Variants in DHRSX observed in about 807,000 individuals in gnomAD.
DHRSX encodes dehydrogenase/reductase X-linked, also known as polyprenol dehydrogenase.
Under a neutral mutation model 34.0 loss-of-function variants are expected in DHRSX, and 31 were observed. The ratio of observed to expected loss-of-function variants is 0.91; its 90% CI spans 0.69 to 1.23. DHRSX has a LOEUF of 1.23. DHRSX is among the 50% of genes most tolerant of loss of function. DHRSX has a pLI of 0.00. For missense variants in DHRSX, 414 were observed against 428.1 expected (o/e 0.97, Z 0.29); for synonymous variants, 201 against 183.8 (o/e 1.09, Z -0.76).
At chrX:2,266,528 T>C (rs1361898796) in intron 5 of DHRSX, among the ~76,000 whole-genome samples, 22 of 116,416 alleles carry the variant, frequency 1.9e-4, no homozygotes, top group South Asian at 9.4e-4. Flanking sequence ...GCTCGGCAGA[T>C]GCAGGGAGCA....
At chrX:2,432,447 A>G (rs1335678885) in intron 1 of DHRSX, among the ~76,000 whole-genome samples, 2 of 152,182 alleles carry the variant, frequency 1.3e-5, no homozygotes, top group Admixed American at 6.5e-5. Context: ...TTGAGAACAC[A>G]ATGGCCCTGT....
At chrX:2,467,038 C>T (rs1005896804) in intron 1 of DHRSX, among the ~76,000 whole-genome samples, 3 of 145,716 alleles carry the variant, frequency 2.1e-5, no homozygotes, top group African/African-American at 7.7e-5. Flanking sequence ...GCACTCCAGC[C>T]TGGGAGACAA....
rs777597939 is a variant in DHRSX at position 2,428,644 on chromosome X, G to T, written c.110-3340C>A. Among the ~76,000 whole-genome samples, 716 of 152,258 alleles carry T rather than the reference G, an allele frequency of 4.7e-3. 7 individuals are homozygous for T. Among genetic ancestry groups the T allele is most frequent in the African/African-American group, 0.016 (677 of 41,540 alleles). On this transcript the variant is annotated intron_variant, in intron 1 of 6. Coordinates refer to ENST00000334651, the MANE Select transcript of DHRSX (RefSeq NM_145177.3). The stretch of plus-strand genomic sequence containing the variant: ...AGGAGGTGAGGGACTAGGGGAGGGA[G>T]AGCATTAGGACAAACACCTAATGTA...
intron 3 of DHRSX, among the ~76,000 whole-genome samples, chrX:2,340,853 A>G (rs370607770): frequency 6.6e-6 from 1 of 152,104 alleles, no homozygotes; most frequent in East Asian, 1.9e-4. Context: ...ATACCAGCCA[A>G]CGAGCTGGTG....
chrX:2,390,967 G>A (rs2043329128), intron 3 of DHRSX, among the ~76,000 whole-genome samples: 1 of 152,048 alleles, frequency 6.6e-6, no homozygotes, highest in Non-Finnish European at 1.5e-5. Context: ...AGCCCACATC[G>A]CAGCATGCAT....
At chrX:2,322,704 CTT>C (rs1338424025) in intron 3 of DHRSX, among the ~76,000 whole-genome samples, 1 of 145,480 alleles carries the variant, frequency 6.9e-6, no homozygotes, top group African/African-American at 2.5e-5. Context: ...ACAGCATTTT[CTT>C]TTCTCTAGCA....
chrX:2,387,904 C>CAAAAA lies in DHRSX; in HGVS notation c.286+20836_286+20840dup, dbSNP rs557047764. Reference sequence around the variant, plus strand: ...TACTCTGAGCCTCCACCCTCCCCTGCAAAAAAAAAAAAAAAAAAAACGGGA... The same window carrying CAAAAA: ...TACTCTGAGCCTCCACCCTCCCCTGCAAAAAAAAAAAAAAAAAAAAAAAAACGGGA... On this transcript the variant is annotated intron_variant, in intron 3 of 6. Coordinates refer to ENST00000334651, the MANE Select transcript of DHRSX (RefSeq NM_145177.3). 4.8e-3 allele frequency among the ~76,000 whole-genome samples: 356 copies of CAAAAA among 73,894 alleles called. 21 individuals carry two copies. The East Asian group carries it at 0.073, about 15-fold the overall frequency. 48.5% of individuals were successfully genotyped at this position (73,894 alleles called of 152,430 possible).
chrX:2,361,631 C>T (rs1352155070), intron 3 of DHRSX, among the ~76,000 whole-genome samples: 1 of 152,118 alleles, frequency 6.6e-6, no homozygotes, highest in African/African-American at 2.4e-5. Flanking sequence ...AAGAAGGATA[C>T]AGAGAGCTGG....
chrX:2,247,040 C>T (rs1372844635), intron 5 of DHRSX, among the ~76,000 whole-genome samples: 2 of 151,978 alleles, frequency 1.3e-5, no homozygotes, highest in Admixed American at 1.3e-4. Context: ...CCTCTGCCTC[C>T]TAGGTTCAAG....
intron 1 of DHRSX, among the ~76,000 whole-genome samples, chrX:2,449,738 C>A (rs6642213): frequency 6.6e-6 from 1 of 152,104 alleles, no homozygotes; most frequent in Non-Finnish European, 1.5e-5. Flanking sequence ...ACTGCAGCCT[C>A]CAACTCCCAC....
chrX:2,305,741 C>T (rs1488107433), intron 3 of DHRSX, among the ~76,000 whole-genome samples: 2 of 144,214 alleles, frequency 1.4e-5, no homozygotes, highest in Non-Finnish European at 3.0e-5. Flanking sequence ...AACACAAGAA[C>T]AGAAAACTAA....
At chrX:2,252,005 A>G (rs1469268606) in intron 5 of DHRSX, among the ~76,000 whole-genome samples, 1 of 152,090 alleles carries the variant, frequency 6.6e-6, no homozygotes, top group Admixed American at 6.6e-5. Flanking sequence ...TGGGAGGCTG[A>G]GGTGGGTGGA....
At chrX:2,489,380 G>A (rs1328351396) in intron 1 of DHRSX, 2 of 1,613,940 alleles carry the variant, frequency 1.2e-6, no homozygotes, top group Non-Finnish European at 1.7e-6. Flanking sequence ...GACCTCCTTG[G>A]CCATGCTGAG....
intron 6 of DHRSX, among the ~76,000 whole-genome samples, chrX:2,223,063 A>G (rs66491412): frequency 0.86 from 131,411 of 152,070 alleles, 57,274 homozygotes; most frequent in African/African-American, 0.95. Flanking sequence ...AGGGGTGCCC[A>G]GAGATCTTGC....
intron 2 of DHRSX, among the ~76,000 whole-genome samples, chrX:2,411,531 G>A (rs979335396): frequency 3.4e-5 from 5 of 148,056 alleles, no homozygotes; most frequent in Non-Finnish European, 5.9e-5. Flanking sequence ...CTCCAGCCTG[G>A]GCGACAGAGC....
chrX:2,313,234 T>TA (rs1482279590), intron 3 of DHRSX, among the ~76,000 whole-genome samples: 2 of 151,616 alleles, frequency 1.3e-5, no homozygotes, highest in Non-Finnish European at 2.9e-5. Flanking sequence ...GAACTACTAG[T>TA]AGACCTCAGG....
chrX:2,489,893 A>C, intron 1 of DHRSX: 1 of 1,613,820 alleles, frequency 6.2e-7, no homozygotes, highest in South Asian at 1.1e-5. Context: ...GCACGCCTTC[A>C]CGATGTCCTT....
chrX:2,261,435 G>A (rs2041362389), intron 5 of DHRSX: 2 of 151,934 alleles, frequency 1.3e-5, no homozygotes, highest in Admixed American at 6.6e-5. Context: ...TTTCTGTTGG[G>A]TGGGGTTGTT....
At chrX:2,266,316 A>T (rs552871375) in intron 5 of DHRSX, among the ~76,000 whole-genome samples, 2 of 56,204 alleles carry the variant, frequency 3.6e-5, no homozygotes, top group East Asian at 1.3e-3. Context: ...CAGAGCACCA[A>T]TGCTCGGCAG....
Sources: allele counts gnomAD v4.1 joint callset (sites outside exome capture counted in the v4.1 genomes callset), GRCh38; gene constraint gnomAD v4.1.1; transcripts MANE v1.5; gene names NCBI Gene and HGNC (gene_info 2026-07-23, HGNC 2026-07-21).